The following TMC1 variants were observed in gnomAD, a reference collection of about 807,000 sequenced individuals.
TMC1 encodes the protein transmembrane channel like 1, also known as transmembrane channel-like protein 1.
In TMC1, 84 loss-of-function variants were observed where a neutral mutation model predicts 105.8. The ratio of observed to expected loss-of-function variants is 0.79; its 90% confidence interval spans 0.67 to 0.95. The LOEUF (loss-of-function observed/expected upper bound fraction) is 0.95, where lower values mean the gene tolerates loss of function less well. Among genes scored for constraint, TMC1 ranks in the 40% least tolerant of loss-of-function variants. The pLI is 0.00. For synonymous variants in TMC1, 315 were observed against 311.5 expected, an observed-to-expected ratio of 1.01 and a Z score of -0.12; for missense variants, 817 against 914.1, an observed-to-expected ratio of 0.89 and a Z score of 1.37.
At chr9:72,738,525 C>T (rs1460218958) in intron 8 of TMC1, among the ~76,000 whole-genome samples, 1 of 152,116 alleles carries the variant, frequency 6.6e-6, no homozygotes, top group African/African-American at 2.4e-5. Context: ...TCAAGTGATC[C>T]TCCTGCCTCA....
chr9:72,612,374 A>G (rs1825043005), intron 2 of TMC1, among the ~76,000 whole-genome samples: 2 of 151,380 alleles, frequency 1.3e-5, no homozygotes, highest in South Asian at 4.2e-4. Context: ...GGGTCTCACC[A>G]TTTTGCCCAG....
intron 5 of TMC1, among the ~76,000 whole-genome samples, chr9:72,672,866 G>GTA (rs1036250465): frequency 1.8e-4 from 25 of 137,838 alleles, no homozygotes; most frequent in Admixed American, 3.0e-4. Context: ...ACACACACGT[G>GTA]TATATATATA....
At chr9:72,663,143 G>T (rs1043044328) in intron 5 of TMC1, among the ~76,000 whole-genome samples, 8 of 152,198 alleles carry the variant, frequency 5.3e-5, no homozygotes, top group African/African-American at 1.7e-4. Flanking sequence ...GAATGGTGCT[G>T]CTGATTGGTT....
intron 13 of TMC1, among the ~76,000 whole-genome samples, chr9:72,775,468 A>G (rs551024665): frequency 6.6e-6 from 1 of 152,334 alleles, no homozygotes; most frequent in African/African-American, 2.4e-5. Context: ...GCTTGACATC[A>G]GAACCCAACT....
chr9:72,758,001 G>A (rs1827699094), intron 12 of TMC1, among the ~76,000 whole-genome samples: 1 of 152,140 alleles, frequency 6.6e-6, no homozygotes, highest in Non-Finnish European at 1.5e-5. Context: ...TTAATGAGGA[G>A]TTCTTGAAAG....
At chr9:72,618,154 G>A (rs1587992355) in intron 3 of TMC1, among the ~76,000 whole-genome samples, 3 of 148,106 alleles carry the variant, frequency 2.0e-5, no homozygotes, top group South Asian at 2.2e-4. Flanking sequence ...TCAGCCTCTC[G>A]AGTTGCTGGG....
intron 12 of TMC1, among the ~76,000 whole-genome samples, chr9:72,771,715 T>G (rs1318501183): frequency 1.3e-5 from 2 of 152,228 alleles, no homozygotes; most frequent in South Asian, 2.1e-4. Context: ...AAGGTGCATA[T>G]TATAAAGGAA....
intron 1 of TMC1, among the ~76,000 whole-genome samples, chr9:72,527,516 C>A (rs1488237458): frequency 2.0e-5 from 3 of 152,160 alleles, no homozygotes; most frequent in Non-Finnish European, 2.9e-5. Flanking sequence ...AGAGCAGCCT[C>A]TTTCCTCTGC....
chr9:72,658,921 T>C (rs1451139366), intron 5 of TMC1, among the ~76,000 whole-genome samples: 1 of 152,162 alleles, frequency 6.6e-6, no homozygotes, highest in Non-Finnish European at 1.5e-5. Flanking sequence ...TTCCAGGCAA[T>C]AGCCACAGAT....
At chr9:72,775,360 TA>T (rs1827990474) in intron 13 of TMC1, among the ~76,000 whole-genome samples, 1 of 152,128 alleles carries the variant, frequency 6.6e-6, no homozygotes, top group African/African-American at 2.4e-5. Flanking sequence ...AAAAGCAAAT[TA>T]AAACAGTATA....
chr9:72,813,853 G>C (rs75496027), intron 18 of TMC1, among the ~76,000 whole-genome samples: 1,649 of 152,266 alleles, frequency 0.011, 8 homozygotes, highest in Non-Finnish European at 0.017. Context: ...TTGAATCCCA[G>C]TCAAATGTCT....
chr9:72,624,678 G>C (rs1388189814), intron 3 of TMC1, among the ~76,000 whole-genome samples: 1 of 152,196 alleles, frequency 6.6e-6, no homozygotes, highest in Non-Finnish European at 1.5e-5. Context: ...TTATGCACCA[G>C]GCCTGAGCTG....
intron 4 of TMC1, among the ~76,000 whole-genome samples, chr9:72,644,826 T>C: frequency 6.6e-6 from 1 of 152,188 alleles, no homozygotes; most frequent in East Asian, 1.9e-4. Context: ...TCAAAGTAAA[T>C]GTGTACTAAC....
At chr9:72,783,940 T>C (rs1225707375) in intron 13 of TMC1, among the ~76,000 whole-genome samples, 1 of 152,108 alleles carries the variant, frequency 6.6e-6, no homozygotes, top group African/African-American at 2.4e-5. Flanking sequence ...AAATTTTTAG[T>C]TTTTAAAACT....
intron 4 of TMC1, among the ~76,000 whole-genome samples, chr9:72,635,612 G>A (rs1825520504): frequency 6.6e-6 from 1 of 152,162 alleles, no homozygotes; most frequent in African/African-American, 2.4e-5. Flanking sequence ...TGATAAGTCA[G>A]TCAAGCTCTC....
chr9:72,760,950 A>G (rs1043167285), intron 12 of TMC1, among the ~76,000 whole-genome samples: 2 of 152,178 alleles, frequency 1.3e-5, no homozygotes, highest in African/African-American at 4.8e-5. Flanking sequence ...CTCTTCAGTT[A>G]ATAGTAGACA....
intron 18 of TMC1, among the ~76,000 whole-genome samples, chr9:72,813,902 A>G (rs1218123432): frequency 1.3e-5 from 2 of 152,196 alleles, no homozygotes; most frequent in Non-Finnish European, 2.9e-5. Context: ...GCCACCCTGT[A>G]TCCTTTCTGT....
intron 3 of TMC1, among the ~76,000 whole-genome samples, chr9:72,625,155 G>A (rs566787529): frequency 1.3e-5 from 2 of 152,272 alleles, no homozygotes; most frequent in Non-Finnish European, 2.9e-5. Context: ...TGATGTCCAA[G>A]GCTAGTTTAG....
intron 2 of TMC1, among the ~76,000 whole-genome samples, chr9:72,596,616 A>G (rs1824725452): frequency 6.6e-6 from 1 of 151,842 alleles, no homozygotes; most frequent in African/African-American, 2.4e-5. Flanking sequence ...CCACGAAAAA[A>G]GTTGGTCAAA....
Sources: allele counts gnomAD v4.1 joint callset (sites outside exome capture counted in the v4.1 genomes callset), GRCh38; gene constraint gnomAD v4.1.1; transcripts MANE v1.5; gene names NCBI Gene and HGNC (gene_info 2026-07-23, HGNC 2026-07-21).